PCDHGB3: variants seen among roughly 807,000 people sequenced by gnomAD.
The protein encoded by PCDHGB3 is protocadherin gamma-B3.
Under a neutral mutation model 59.2 loss-of-function variants are expected in PCDHGB3, and 40 were observed. The ratio of observed to expected loss-of-function variants is 0.68; its 90% CI spans 0.52 to 0.88. The LOEUF (loss-of-function observed/expected upper bound fraction) is 0.88, where lower values mean the gene tolerates loss of function less well. PCDHGB3 is among the 40% of genes least tolerant of loss of function. The pLI is 0.00. For missense variants in PCDHGB3, 1,309 were observed against 1,187.9 expected, an observed-to-expected ratio of 1.10 and a Z score of -1.50; for synonymous variants, 581 against 503.6, an observed-to-expected ratio of 1.15 and a Z score of -2.06.
Position 141,485,096 on chromosome 5 carries a change from CCAG to C in PCDHGB3, c.2416-9709_2416-9707del. The C allele has an allele frequency of 8.9e-7, 1 of 1,125,684 alleles. No homozygotes were observed. The highest frequency in any genetic ancestry group is 1.3e-6 in the Non-Finnish European group (1 of 759,466). 69.7% of individuals were successfully genotyped at this position (1,125,684 alleles called of 1,614,324 possible). A position where few individuals can be genotyped will look rare whatever the true frequency, so the allele number is the denominator to read the frequency against. ...CGCGGGGAAAGGGAGATAGGTGTCTCCAGCTGCTGTGGCTGTTTGGGGCGGGTC... is the reference window on the plus strand; with the variant it reads ...CGCGGGGAAAGGGAGATAGGTGTCTCCTGCTGTGGCTGTTTGGGGCGGGTC... On this transcript the variant is annotated intron_variant, in intron 1 of 3. Transcript: ENST00000576222. The surrounding 1 kb of genome is among the most constrained non-coding windows in gnomAD (Gnocchi z 5.7).
intron 1 of PCDHGB3, chr5:141,383,403 G>A: frequency 6.2e-7 from 1 of 1,614,000 alleles, no homozygotes; most frequent in Non-Finnish European, 8.5e-7. Flanking sequence ...ACTCCCTCCA[G>A]AGTTACCAGC....
chr5:141,415,980 T>C, intron 1 of PCDHGB3: 1 of 348,656 alleles, frequency 2.9e-6, no homozygotes, highest in Non-Finnish European at 4.8e-6. Context: ...TAAGCAACCC[T>C]CTTGTTCTGA....
At chr5:141,384,337 G>C (rs370533196) in intron 1 of PCDHGB3, 2 of 1,613,832 alleles carry the variant, frequency 1.2e-6, no homozygotes, top group Non-Finnish European at 1.7e-6. Flanking sequence ...ACAGGACCAC[G>C]ACAGTGAGGA....
At chr5:141,472,455 G>A (rs191633108) in intron 1 of PCDHGB3, among the ~76,000 whole-genome samples, 2 of 151,972 alleles carry the variant, frequency 1.3e-5, no homozygotes, top group South Asian at 2.1e-4. Context: ...CAGGAGAATC[G>A]CTTGAACCCA....
intron 1 of PCDHGB3, chr5:141,415,066 C>G: frequency 6.2e-7 from 1 of 1,613,410 alleles, no homozygotes; most frequent in Non-Finnish European, 8.5e-7. Context: ...GGGCGAGGTG[C>G]GCACGGCGCG....
At chr5:141,507,786 G>A (rs536470814) in intron 3 of PCDHGB3, among the ~76,000 whole-genome samples, 3 of 152,292 alleles carry the variant, frequency 2.0e-5, no homozygotes, top group East Asian at 1.9e-4. Context: ...CCTGACCCTC[G>A]TCTAAGCCTG....
Position 141,374,382 on chromosome 5 carries a change from C to T in PCDHGB3, c.2415+1573C>T, listed in dbSNP as rs975173370. On this transcript the variant is annotated intron_variant, in intron 1 of 3. Coordinates refer to ENST00000576222, the MANE Select transcript of PCDHGB3 (RefSeq NM_018924.5). ...CGCGAGGAGCTCTGTGCTCAGAGCC[C>T]GCGGTGTCTGGTGAGTTTTAACATC... is the stretch of plus-strand genomic sequence containing the variant. 3.7e-6 allele frequency: 6 copies of T among 1,613,888 alleles called. No individual in the cohort carries two copies. The African/African-American group carries it at 6.7e-5, about 18-fold the overall frequency.
At chr5:141,444,178 TTTTTTTTTTTG>T in intron 1 of PCDHGB3, among the ~76,000 whole-genome samples, 1 of 134,050 alleles carries the variant, frequency 7.5e-6, no homozygotes, top group Admixed American at 7.5e-5. Flanking sequence ...TTTTTTTTTT[TTTTTTTTTTTG>T]AGATGGAGTT....
chr5:141,418,941 C>T, intron 1 of PCDHGB3: 1 of 1,614,034 alleles, frequency 6.2e-7, no homozygotes, highest in Non-Finnish European at 8.5e-7. Context: ...GAGGATTCCC[C>T]TCCAGGAGTG....
At chr5:141,408,856 G>A (rs750037212) in intron 1 of PCDHGB3, 1 of 1,613,518 alleles carries the variant, frequency 6.2e-7, no homozygotes, top group Non-Finnish European at 8.5e-7. Flanking sequence ...TGGACGGAGG[G>A]GACCCACCAA....
At chr5:141,395,926 A>G (rs2093327122) in intron 1 of PCDHGB3, 1 of 152,218 alleles carries the variant, frequency 6.6e-6, no homozygotes, top group South Asian at 2.1e-4. Flanking sequence ...TCTAAAGCCT[A>G]GAATGTCCAT....
Position 141,511,350 on chromosome 5 carries a change from C to T in PCDHGB3, c.*177C>T, listed in dbSNP as rs1303365585. Reference sequence around the variant, plus strand: ...CCCAGTCAGCACCTACCCCTTCCCCCCCAGGGGGTTGAATATGCAAAAGCA... The same window carrying T: ...CCCAGTCAGCACCTACCCCTTCCCCTCCAGGGGGTTGAATATGCAAAAGCA... On this transcript the variant is annotated 3_prime_UTR_variant, in exon 4 of 4. Transcript: ENST00000576222. The T allele has an allele frequency of 6.4e-6, 9 of 1,397,076 alleles. No homozygotes were observed. Among genetic ancestry groups the T allele is most frequent in the Non-Finnish European group, 8.6e-6 (9 of 1,050,666 alleles). 86.5% of individuals were successfully genotyped at this position (1,397,076 alleles called of 1,614,324 possible).
At chr5:141,384,809 C>T (rs1780535972) in intron 1 of PCDHGB3, 1 of 1,613,250 alleles carries the variant, frequency 6.2e-7, no homozygotes, top group African/African-American at 1.3e-5. Context: ...GACAGAGATG[C>T]CCTCAAGCAG....
rs532502013 is a variant in PCDHGB3 at position 141,404,723 on chromosome 5, G to A, written c.2415+31914G>A. 3.1e-6 allele frequency: 5 copies of A among 1,614,094 alleles called. No individual in the cohort carries two copies. Among genetic ancestry groups the A allele is most frequent in the Middle Eastern group, 1.6e-4 (1 of 6,062 alleles). On this transcript the variant is annotated intron_variant, in intron 1 of 3. Coordinates refer to ENST00000576222, the MANE Select transcript of PCDHGB3 (RefSeq NM_018924.5). ...AGAGCCTGGCTACCTGGTGACCAAG[G>A]TGGTGGCAGTGGACAGAGACTCAGG...
chr5:141,446,275 A>G (rs1229842331), intron 1 of PCDHGB3, among the ~76,000 whole-genome samples: 1 of 152,156 alleles, frequency 6.6e-6, no homozygotes, highest in African/African-American at 2.4e-5. Flanking sequence ...GAATAAATAC[A>G]ATGGATAAAT....
intron 1 of PCDHGB3, chr5:141,426,778 C>A (rs780981970): frequency 2.2e-6 from 1 of 456,716 alleles, no homozygotes; most frequent in South Asian, 1.5e-5. Context: ...GGGCCTCACT[C>A]TCTCCAGAGT....
intron 1 of PCDHGB3, chr5:141,427,927 T>C (rs1238523389): frequency 6.3e-7 from 1 of 1,580,112 alleles, no homozygotes; most frequent in Non-Finnish European, 8.7e-7. Context: ...AGCCGGCGCA[T>C]GTTGGTGGGC....
intron 1 of PCDHGB3, chr5:141,403,105 C>G (rs1226095779): frequency 6.2e-7 from 1 of 1,614,056 alleles, no homozygotes; most frequent in East Asian, 2.2e-5. Context: ...TCTCCAAGGA[C>G]CTGGCTCTGG....
intron 1 of PCDHGB3, chr5:141,383,406 T>C (rs780989648): frequency 6.2e-7 from 1 of 1,613,748 alleles, no homozygotes; most frequent in Admixed American, 1.7e-5. Context: ...CCCTCCAGAG[T>C]TACCAGCTCA....
Sources: gnomAD v4.1 joint callset for allele counts (sites outside exome capture counted in the v4.1 genomes callset) on GRCh38, gnomAD v4.1.1 for gene constraint, Gnocchi (gnomAD v3.1) non-coding constraint, MANE v1.5 for transcripts, NCBI Gene and HGNC (gene_info 2026-07-23, HGNC 2026-07-21) for gene names.